PROCA1: variants seen among roughly 807,000 people sequenced by gnomAD.
PROCA1 encodes protein PROCA1.
A neutral mutation model predicts 23.2 loss-of-function variants in PROCA1; 22 were observed. The ratio of observed to expected loss-of-function variants is 0.95; its 90% CI spans 0.68 to 1.35. PROCA1 has a LOEUF of 1.35. Among genes scored for constraint, PROCA1 ranks in the 40% most tolerant of loss-of-function variants. The pLI is 0.00. For synonymous variants in PROCA1, 182 were observed against 179.2 expected, an observed-to-expected ratio of 1.02 and a Z score of -0.12; for missense variants, 469 against 459.8, an observed-to-expected ratio of 1.02 and a Z score of -0.18.
At chr17:28,711,464 T>TGGTTTGCCCGTCTCCCTCGTC (rs2032780466) in intron 1 of PROCA1, 106 bp downstream of exon 1, 5 of 919,186 alleles carry the variant, frequency 5.4e-6, no homozygotes, top group African/African-American at 3.5e-5. Context: ...CCTCTCTCGT[T>TGGTTTGCCCGTCTCCCTCGTC]GGTTTGCCCG....
chr17:28,710,861 C>G, intron 1 of PROCA1: 2 of 1,303,902 alleles, frequency 1.5e-6, no homozygotes, highest in Non-Finnish European at 2.0e-6. Context: ...AGGCCTAACT[C>G]AAAACTCACA....
intron 1 of PROCA1, 30 bp from the exon 2 acceptor site, chr17:28,706,793 A>G (rs2032498002): frequency 7.7e-7 from 1 of 1,302,396 alleles, no homozygotes; most frequent in African/African-American, 1.5e-5. Flanking sequence ...CAGTGGTGGC[A>G]GCAGCCCCCT....
chr17:28,703,861 CA>C lies in PROCA1; in HGVS notation c.791del (p.Leu264Ter). On this transcript the variant is annotated frameshift_variant, in exon 5 of 5. Transcript: ENST00000682792. LOFTEE classifies it high-confidence loss of function. ...ATTTAACCGGGCTTTTCTTCTTAGTCAACTGGCCTTTCTTGGCTTTTTTCTT... is the reference window on the plus strand; with the variant it reads ...ATTTAACCGGGCTTTTCTTCTTAGTCACTGGCCTTTCTTGGCTTTTTTCTT... The part of the protein sequence containing the change: ...KLKKKAKKGQ[L>X]TKKKSPVKLE... 1 of 1,614,202 alleles carries C rather than the reference CA, an allele frequency of 6.2e-7. No homozygotes were observed. The highest frequency in any genetic ancestry group is 8.5e-7 in the Non-Finnish European group (1 of 1,180,044).
rs2032492111 is a variant in PROCA1, at chr17:28,706,727, A to G, written c.128T>C (p.Leu43Pro). 1 of 1,303,798 alleles carries G rather than the reference A, an allele frequency of 7.7e-7. No individual in the cohort carries two copies. The highest frequency in any genetic ancestry group is 2.3e-5 in the Admixed American group (1 of 43,530). 80.8% of individuals were successfully genotyped at this position (1,303,798 alleles called of 1,614,324 possible). A position where few individuals can be genotyped will look rare whatever the true frequency, so the allele number is the denominator to read the frequency against. ...AGTGCTGGACGCCACACCAGCCAGC[A>G]GATGTCCTCTCTCCCAGCTGGGTAA... ...NRLPSWERGH[L>P]LAGVASSTDV... The change falls in exon 2 of 5, where the codon CTG becomes CCG. Residue 43 changes from leucine to proline, a missense_variant. Physicochemically the swap from Leu to Pro is moderately conservative, Grantham distance 98. Coordinates refer to ENST00000682792, the MANE Select transcript of PROCA1 (RefSeq NM_001366301.1).
Position 28,711,869 on chromosome 17 carries a change from G to A in PROCA1, c.-209C>T, listed in dbSNP as rs1004112387. ...GTAGTCTTCCCAGCTGGGTCTCAGC[G>A]TCAGCCGCGTTCTTCATCCGGGGCC... is the stretch of plus-strand genomic sequence containing the variant. On this transcript the variant is annotated 5_prime_UTR_variant, in exon 1 of 5. It adds an upstream start codon to the 5' untranslated region. Coordinates refer to ENST00000682792, the MANE Select transcript of PROCA1 (RefSeq NM_001366301.1). The A allele has an allele frequency of 4.1e-6, 2 of 491,338 alleles. No individual in the cohort carries two copies. Among genetic ancestry groups the A allele is most frequent in the African/African-American group, 2.0e-5 (1 of 49,064 alleles). The allele number at this position is 491,338 out of a possible 1,614,324, so 30.4% of individuals were successfully genotyped here. A position where few individuals can be genotyped will look rare whatever the true frequency, so the allele number is the denominator to read the frequency against.
In PROCA1 at chr17:28,710,374, G is replaced by A. The variant is rs2032721916; in HGVS notation, c.91+1196C>T. Among the ~76,000 whole-genome samples, 5 of 152,124 alleles carry A rather than the reference G, an allele frequency of 3.3e-5. No homozygotes were observed. In the South Asian group the frequency reaches 1.0e-3, roughly 32 times the overall value. ...ATAAAAAAAATAGCTGGGCGTGGTGGCGCGCGCCTGTAATCCCAGCTACTC... is the reference window on the plus strand; with the variant it reads ...ATAAAAAAAATAGCTGGGCGTGGTGACGCGCGCCTGTAATCCCAGCTACTC... On this transcript the variant is annotated intron_variant, in intron 1 of 4. Coordinates refer to ENST00000682792, the MANE Select transcript of PROCA1 (RefSeq NM_001366301.1).
chr17:28,707,874 T>C, intron 1 of PROCA1: 1 of 152,326 alleles, frequency 6.6e-6, no homozygotes, highest in Non-Finnish European at 1.5e-5. Context: ...CTTTCTTCTC[T>C]TCCAGCCACC....
chr17:28,703,922 T>C lies in PROCA1; in HGVS notation c.731A>G (p.Lys244Arg). 1.2e-6 allele frequency: 2 copies of C among 1,613,810 alleles called. No homozygotes were observed. The highest frequency in any genetic ancestry group is 1.1e-5 in the South Asian group (1 of 91,028). ...KKVKKKKEKEKDKEEMDEKAK... is the reference protein window; with the variant it reads ...KKVKKKKEKERDKEEMDEKAK... ...CTTCTCATCCATCTCCTCCTTGTCT[T>C]TCTCTTTTTCCTTTTTCTTCTTTAC... Residue 244 changes from lysine to arginine, a missense_variant, in exon 5 of 5, where the codon AAA becomes AGA. Lys to Arg is a conservative substitution (Grantham distance 26). Coordinates refer to ENST00000682792, the MANE Select transcript of PROCA1 (RefSeq NM_001366301.1).
chr17:28,704,398 C>G lies in PROCA1; in HGVS notation c.349G>C (p.Gly117Arg). 1 of 1,613,872 alleles carries G rather than the reference C, an allele frequency of 6.2e-7. No homozygotes were observed. Among genetic ancestry groups the G allele is most frequent in the Non-Finnish European group, 8.5e-7 (1 of 1,179,980 alleles). ...ACATGGGAGCAGGTTGGGCCCGCGC[C>G]CCGGGAGCTGCTGCTATCCTCTGAA... ...DSSEDSSSSR[G>R]AGPTCSHVIE... is the part of the protein sequence containing the mutation. Residue 117 changes from glycine to arginine, a missense_variant, in exon 4 of 5, where the codon GGC (glycine) becomes CGC (arginine). By Grantham distance (125) the Gly-to-Arg change is moderately radical. Coordinates refer to ENST00000682792, the MANE Select transcript of PROCA1 (RefSeq NM_001366301.1).
chr17:28,707,414 C>CCT (rs1248359678), intron 1 of PROCA1: 1 of 152,300 alleles, frequency 6.6e-6, no homozygotes, highest in Non-Finnish European at 1.5e-5. Context: ...AGCTCCTCCT[C>CCT]CTGTTTTCCA....
intron 1 of PROCA1, among the ~76,000 whole-genome samples, chr17:28,710,529 A>AAAAAAG (rs1555553420): frequency 7.0e-6 from 1 of 142,216 alleles, no homozygotes. Flanking sequence ...AAAAAAAAAA[A>AAAAAAG]GCACACATGC....
chr17:28,711,731 G>A lies in PROCA1; in HGVS notation c.-71C>T. ...TCCAACCCTGAGCCTCAGCCCGGCC[G>A]AGCCCTCGGCCCAGCCGTGAACTCC... On this transcript the variant is annotated 5_prime_UTR_variant, in exon 1 of 5. Coordinates refer to ENST00000682792, the MANE Select transcript of PROCA1 (RefSeq NM_001366301.1). 1 of 1,399,400 alleles carries A rather than the reference G, an allele frequency of 7.1e-7. No homozygotes were observed. Among genetic ancestry groups the A allele is most frequent in the Non-Finnish European group, 9.7e-7 (1 of 1,028,594 alleles). 86.7% of individuals were successfully genotyped at this position (1,399,400 alleles called of 1,614,324 possible).
intron 1 of PROCA1, 106 bp downstream of exon 1, chr17:28,711,464 T>G: frequency 1.1e-6 from 1 of 919,302 alleles, no homozygotes; most frequent in Non-Finnish European, 1.6e-6. Flanking sequence ...CCTCTCTCGT[T>G]GGTTTGCCCG....
At chr17:28,704,664 G>T (rs202035807) in intron 3 of PROCA1, 44 bp downstream of exon 3, 1 of 1,609,246 alleles carries the variant, frequency 6.2e-7, no homozygotes, top group African/African-American at 1.3e-5. Context: ...ATGAAAGTTC[G>T]GACCTGGCTC....
Position 28,703,773 on chromosome 17 carries a change from C to T in PROCA1, c.880G>A (p.Glu294Lys), listed in dbSNP as rs760322267. 14 of 1,614,004 alleles carry T rather than the reference C, an allele frequency of 8.7e-6. No individual in the cohort carries two copies. The highest frequency in any genetic ancestry group is 6.7e-5 in the East Asian group (3 of 44,888). ...TCTTCCCGGCTTTCTGGGCTGGACTCGGACATCCTGGCCAGCTGTCTTGCG... is the reference window on the plus strand; with the variant it reads ...TCTTCCCGGCTTTCTGGGCTGGACTTGGACATCCTGGCCAGCTGTCTTGCG... The part of the protein sequence containing the change: ...LSARQLARMS[E>K]SSPESREELE... The change falls in exon 5 of 5, where the codon GAG becomes AAG. Residue 294 changes from glutamate (E) to lysine (K), a missense_variant. Physicochemically the swap from Glu to Lys is moderately conservative, Grantham distance 56. Coordinates refer to ENST00000682792, the MANE Select transcript of PROCA1 (RefSeq NM_001366301.1).
At chr17:28,707,655 T>C (rs2032578122) in intron 1 of PROCA1, among the ~76,000 whole-genome samples, 1 of 152,196 alleles carries the variant, frequency 6.6e-6, no homozygotes, top group Non-Finnish European at 1.5e-5. Context: ...TGACACCTTC[T>C]CCTTCTTTAC....
chr17:28,709,693 A>G (rs1162346033), intron 1 of PROCA1, among the ~76,000 whole-genome samples: 1 of 151,976 alleles, frequency 6.6e-6, no homozygotes, highest in African/African-American at 2.4e-5. Flanking sequence ...GTTCAGCTCC[A>G]TATGCAAAAC....
At chr17:28,704,919 C>A in intron 2 of PROCA1, 76 bp from the exon 3 acceptor site, 1 of 1,377,990 alleles carries the variant, frequency 7.3e-7, no homozygotes, top group Non-Finnish European at 1.0e-6. Context: ...GCTAAAACCT[C>A]ACCAAATTCA....
intron 1 of PROCA1, among the ~76,000 whole-genome samples, chr17:28,710,041 C>A (rs556865445): frequency 6.6e-6 from 1 of 152,160 alleles, no homozygotes; most frequent in African/African-American, 2.4e-5. Context: ...ACTGCACCTG[C>A]TTTTCAGCTC....
Sources: allele counts gnomAD v4.1 joint callset (sites outside exome capture counted in the v4.1 genomes callset), GRCh38; gene constraint gnomAD v4.1.1; transcripts MANE v1.5; gene names NCBI Gene and HGNC (gene_info 2026-07-23, HGNC 2026-07-21).